Variants in GLIS3 observed in about 807,000 individuals in gnomAD.
GLIS3 encodes zinc finger protein GLIS3.
Under a neutral mutation model 78.6 loss-of-function variants are expected in GLIS3, and 53 were observed. That is an observed-to-expected ratio of 0.67 (90% CI 0.54 to 0.85). GLIS3 has a LOEUF of 0.85. GLIS3 is among the 40% of genes least tolerant of loss of function. The pLI is 0.00. For missense variants in GLIS3, 1,703 were observed against 1,231.1 expected (o/e 1.38, Z -5.74); for synonymous variants, 684 against 509.9 (o/e 1.34, Z -4.60).
At chr9:4,262,233 A>G (rs183195939) in intron 2 of GLIS3, among the ~76,000 whole-genome samples, 1 of 152,282 alleles carries the variant, frequency 6.6e-6, no homozygotes, top group African/African-American at 2.4e-5. Context: ...GTCACTAGCC[A>G]TTTCTTGAGG....
the GLIS3 span, among the ~76,000 whole-genome samples, chr9:4,457,641 A>G: frequency 6.6e-6 from 1 of 151,748 alleles, no homozygotes; most frequent in East Asian, 1.9e-4. Flanking sequence ...AGGTCAGGAG[A>G]TCGAGACCAT....
At chr9:3,998,814 T>C (rs952409637) in intron 4 of GLIS3, among the ~76,000 whole-genome samples, 9 of 149,658 alleles carry the variant, frequency 6.0e-5, no homozygotes, top group African/African-American at 1.9e-4. Context: ...TTTATTAAAA[T>C]ATATTGGTTC....
intron 2 of GLIS3, among the ~76,000 whole-genome samples, chr9:4,314,231 T>C (rs886572700): frequency 2.0e-5 from 3 of 152,328 alleles, no homozygotes; most frequent in East Asian, 1.9e-4. Flanking sequence ...AGCACTCAAA[T>C]GTGAGCTGGT....
chr9:4,286,458 TC>T lies in GLIS3; in HGVS notation c.-34del. On this transcript the variant is annotated 5_prime_UTR_variant, in exon 2 of 11. Coordinates refer to ENST00000381971, the MANE Select transcript of GLIS3 (RefSeq NM_001042413.2). ...AACCTGTGGCCAAGACGGTCAAATATCCAATGTCACTAATGACTCCTTTCAG... is the reference window on the plus strand; with the variant it reads ...AACCTGTGGCCAAGACGGTCAAATATCAATGTCACTAATGACTCCTTTCAG... 1 of 1,612,104 alleles carries T rather than the reference TC, an allele frequency of 6.2e-7. No homozygotes were observed. Among genetic ancestry groups the T allele is most frequent in the Non-Finnish European group, 8.5e-7 (1 of 1,179,868 alleles).
chr9:4,285,887 T>C (rs879367992), intron 2 of GLIS3, 151 bp downstream of exon 2: 4 of 946,326 alleles, frequency 4.2e-6, no homozygotes, highest in Non-Finnish European at 6.7e-6. Flanking sequence ...ACCCATTCCC[T>C]TACTGAGCAA....
chr9:4,275,145 T>A (rs1826866785), intron 2 of GLIS3, among the ~76,000 whole-genome samples: 1 of 152,116 alleles, frequency 6.6e-6, no homozygotes, highest in Non-Finnish European at 1.5e-5. Flanking sequence ...GAAAGGTGCT[T>A]ATGCATATAC....
chr9:4,086,457 C>T (rs1248408114), intron 4 of GLIS3, among the ~76,000 whole-genome samples: 2 of 152,168 alleles, frequency 1.3e-5, no homozygotes, highest in Non-Finnish European at 2.9e-5. Context: ...TCGTGGTATT[C>T]CCACGACCTA....
intron 2 of GLIS3, among the ~76,000 whole-genome samples, chr9:4,340,409 C>A (rs10758608): frequency 0.28 from 41,618 of 151,000 alleles, 6,612 homozygotes; most frequent in Non-Finnish European, 0.35. Context: ...AATTAAAAGG[C>A]AACTCAATTC....
intron 2 of GLIS3, among the ~76,000 whole-genome samples, chr9:4,237,494 A>G (rs10814897): frequency 0.4 from 60,277 of 152,092 alleles, 12,611 homozygotes; most frequent in East Asian, 0.66. Flanking sequence ...CTTCAGGCTC[A>G]GTCTACTGAG....
chr9:3,997,756 A>C (rs1394742427), intron 4 of GLIS3, among the ~76,000 whole-genome samples: 1 of 152,144 alleles, frequency 6.6e-6, no homozygotes, highest in African/African-American at 2.4e-5. Flanking sequence ...TTAGTGGGGA[A>C]ATATTTCTCT....
chr9:4,156,703 G>T (rs879753556), intron 2 of GLIS3, among the ~76,000 whole-genome samples: 1 of 152,156 alleles, frequency 6.6e-6, no homozygotes, highest in Non-Finnish European at 1.5e-5. Flanking sequence ...AGCCCTTTAA[G>T]GGTCATTATG....
chr9:4,374,742 A>T, the GLIS3 span, among the ~76,000 whole-genome samples: 2 of 152,156 alleles, frequency 1.3e-5, no homozygotes, highest in Non-Finnish European at 2.9e-5. Context: ...GCTTATAATA[A>T]AAAATGTATA....
the GLIS3 span, among the ~76,000 whole-genome samples, chr9:4,457,132 G>A: frequency 6.6e-6 from 1 of 152,126 alleles, no homozygotes; most frequent in African/African-American, 2.4e-5. Flanking sequence ...GGAGGCTGAG[G>A]TGGGAGGATT....
intron 6 of GLIS3, among the ~76,000 whole-genome samples, chr9:3,917,764 C>A (rs1824618429): frequency 6.6e-6 from 1 of 152,168 alleles, no homozygotes. Context: ...CCTATTGAAA[C>A]CACCGTTCCT....
chr9:3,943,380 T>A (rs1014295528), intron 4 of GLIS3, among the ~76,000 whole-genome samples: 7 of 152,214 alleles, frequency 4.6e-5, no homozygotes, highest in Admixed American at 1.3e-4. Flanking sequence ...AGAACATGTC[T>A]CTATATATTC....
At chr9:4,206,885 C>A (rs545381442) in intron 2 of GLIS3, among the ~76,000 whole-genome samples, 1 of 152,060 alleles carries the variant, frequency 6.6e-6, no homozygotes, top group Non-Finnish European at 1.5e-5. Context: ...CTTGGCATAT[C>A]GCGCTGGGAG....
At chr9:4,451,888 G>A in the GLIS3 span, among the ~76,000 whole-genome samples, 1 of 146,446 alleles carries the variant, frequency 6.8e-6, no homozygotes, top group Non-Finnish European at 1.5e-5. Context: ...ATGCCCACAA[G>A]AGAAAGCAGG....
At chr9:3,982,275 C>T (rs933803540) in intron 4 of GLIS3, among the ~76,000 whole-genome samples, 2 of 151,808 alleles carry the variant, frequency 1.3e-5, no homozygotes, top group African/African-American at 4.8e-5. Context: ...TACACTGCCT[C>T]TTATTGTCTC....
intron 6 of GLIS3, among the ~76,000 whole-genome samples, chr9:3,900,030 C>A (rs1012632998): frequency 1.3e-5 from 2 of 151,894 alleles, no homozygotes; most frequent in African/African-American, 2.4e-5. Context: ...GGGGGAAGAA[C>A]CTGCCTACCC....
Sources: allele counts gnomAD v4.1 joint callset (sites outside exome capture counted in the v4.1 genomes callset), GRCh38; gene constraint gnomAD v4.1.1; transcripts MANE v1.5; gene names NCBI Gene and HGNC (gene_info 2026-07-23, HGNC 2026-07-21).